Variants in KLF8 observed in about 807,000 individuals in gnomAD.
The protein encoded by KLF8 is KLF transcription factor 8.
A neutral mutation model predicts 18.2 loss-of-function variants in KLF8; 10 were observed. That is an observed-to-expected ratio of 0.55 (90% CI 0.34 to 0.93). The LOEUF is 0.93. KLF8 is among the 40% of genes least tolerant of loss of function. The pLI is 0.02. For missense variants in KLF8, 264 were observed against 277.9 expected (o/e 0.95, Z 0.36); for synonymous variants, 109 against 97.3 (o/e 1.12, Z -0.71).
chrX:56,045,589 T>C, the KLF8 span, among the ~76,000 whole-genome samples: 1 of 111,890 alleles, frequency 8.9e-6, no homozygotes. Flanking sequence ...TTTTTGTTTG[T>C]TTGTTTTTTG....
At chrX:56,046,786 C>A in the KLF8 span, among the ~76,000 whole-genome samples, 1 of 111,351 alleles carries the variant, frequency 9.0e-6, no homozygotes, top group African/African-American at 3.3e-5. Flanking sequence ...TTACCTGATG[C>A]TTTTACCTCA....
chrX:56,168,049 G>A, the KLF8 span, among the ~76,000 whole-genome samples: 1 of 111,324 alleles, frequency 9.0e-6, no homozygotes, highest in African/African-American at 3.3e-5. Context: ...CTGCCCTGAG[G>A]GATTTAAAGA....
chrX:56,092,905 C>A, the KLF8 span, among the ~76,000 whole-genome samples: 6 of 108,174 alleles, frequency 5.5e-5, no homozygotes, highest in Non-Finnish European at 1.2e-4. Context: ...ATGACATATG[C>A]CTTAGATGAG....
chrX:55,966,908 TC>T, the KLF8 span, among the ~76,000 whole-genome samples: 1 of 111,837 alleles, frequency 8.9e-6, no homozygotes, highest in Non-Finnish European at 1.9e-5. Context: ...CAGAATTCTA[TC>T]CGATAAATTT....
At chrX:55,964,202 G>A in the KLF8 span, among the ~76,000 whole-genome samples, 3 of 111,296 alleles carry the variant, frequency 2.7e-5, no homozygotes, top group Non-Finnish European at 5.7e-5. Flanking sequence ...ATCACACCTA[G>A]AGGAACTAGA....
At chrX:56,156,303 G>A in the KLF8 span, among the ~76,000 whole-genome samples, 12 of 111,158 alleles carry the variant, frequency 1.1e-4, no homozygotes, top group Non-Finnish European at 2.1e-4. Flanking sequence ...TTGTGTCATG[G>A]AGGTTTTCTG....
the KLF8 span, among the ~76,000 whole-genome samples, chrX:56,186,282 C>A: frequency 2.7e-5 from 3 of 111,127 alleles, no homozygotes; most frequent in Admixed American, 2.9e-4. Flanking sequence ...ACAAAGAAGG[C>A]CATTACATAA....
the KLF8 span, among the ~76,000 whole-genome samples, chrX:56,010,509 C>G: frequency 8.9e-6 from 1 of 111,733 alleles, no homozygotes; most frequent in African/African-American, 3.3e-5. Context: ...TACAAAAACA[C>G]AATGAAATAC....
chrX:56,175,571 C>T, the KLF8 span, among the ~76,000 whole-genome samples: 1 of 111,584 alleles, frequency 9.0e-6, no homozygotes, highest in Admixed American at 9.5e-5. Flanking sequence ...AATATATATT[C>T]TGTTGATTTT....
the KLF8 span, among the ~76,000 whole-genome samples, chrX:56,005,292 G>T: frequency 1.8e-5 from 2 of 111,451 alleles, no homozygotes; most frequent in Admixed American, 1.9e-4. Flanking sequence ...CCAATTATTG[G>T]TTACAGTGCT....
chrX:56,184,330 G>A, the KLF8 span, among the ~76,000 whole-genome samples: 12 of 112,408 alleles, frequency 1.1e-4, no homozygotes, highest in South Asian at 3.7e-4. Flanking sequence ...AAAGGCACCC[G>A]CCATTGCCCG....
At chrX:56,145,728 C>T in the KLF8 span, among the ~76,000 whole-genome samples, 3 of 111,706 alleles carry the variant, frequency 2.7e-5, no homozygotes, top group Non-Finnish European at 3.8e-5. Flanking sequence ...CACATGTACC[C>T]TAAAACTTAA....
the KLF8 span, among the ~76,000 whole-genome samples, chrX:56,163,818 G>A: frequency 8.9e-6 from 1 of 111,947 alleles, no homozygotes; most frequent in Middle Eastern, 4.2e-3. Flanking sequence ...TCTGAATATG[G>A]ATACCCAGTT....
chrX:55,972,224 C>T, the KLF8 span, among the ~76,000 whole-genome samples: 3 of 111,265 alleles, frequency 2.7e-5, no homozygotes, highest in African/African-American at 6.5e-5. Flanking sequence ...AAAGTCTTGT[C>T]GTTGGCAATA....
At chrX:55,979,660 G>A in the KLF8 span, among the ~76,000 whole-genome samples, 1 of 112,214 alleles carries the variant, frequency 8.9e-6, no homozygotes, top group Non-Finnish European at 1.9e-5. Context: ...TGGAAGGACT[G>A]AAGCTGAGGT....
intron 5 of KLF8, among the ~76,000 whole-genome samples, chrX:56,281,074 C>A (rs1050245037): frequency 8.9e-6 from 1 of 112,117 alleles, no homozygotes; most frequent in Admixed American, 9.4e-5. Flanking sequence ...ATTGTCAATG[C>A]ATCCCCATTA....
chrX:55,997,816 G>A, the KLF8 span, among the ~76,000 whole-genome samples: 8 of 111,636 alleles, frequency 7.2e-5, no homozygotes, highest in East Asian at 8.4e-4. Context: ...TTCTCATAAG[G>A]TGGAACAAGA....
intron 1 of KLF8, among the ~76,000 whole-genome samples, chrX:56,236,719 G>A (rs781245492): frequency 1.8e-5 from 2 of 110,353 alleles, no homozygotes; most frequent in South Asian, 7.7e-4. Context: ...AAGGGTGCAT[G>A]GTGAAAAAAG....
At chrX:56,075,393 C>T in the KLF8 span, among the ~76,000 whole-genome samples, 1 of 109,815 alleles carries the variant, frequency 9.1e-6, no homozygotes, top group African/African-American at 3.3e-5. Context: ...TTTCTGAGTA[C>T]ATAGTAGGTG....
Sources: allele counts gnomAD v4.1 joint callset (sites outside exome capture counted in the v4.1 genomes callset), GRCh38; gene constraint gnomAD v4.1.1; transcripts MANE v1.5; gene names NCBI Gene and HGNC (gene_info 2026-07-23, HGNC 2026-07-21).